Variants in IFT46 observed in about 807,000 individuals in gnomAD.
IFT46 encodes intraflagellar transport protein 46 homolog.
A neutral mutation model predicts 39.6 loss-of-function variants in IFT46; 19 were observed. The ratio of observed to expected loss-of-function variants is 0.48; its 90% CI spans 0.33 to 0.70. The LOEUF (loss-of-function observed/expected upper bound fraction) is 0.70. Ranked by LOEUF, IFT46 falls within the 30% of genes least tolerant of loss-of-function variation. IFT46 has a pLI of 0.01. For synonymous variants in IFT46, 117 were observed against 134.8 expected, an observed-to-expected ratio of 0.87 and a Z score of 0.91; for missense variants, 334 against 364.8, an observed-to-expected ratio of 0.92 and a Z score of 0.69.
rs782193181 is a variant in IFT46 at position 118,544,809 on chromosome 11, C to G, written c.*107G>C. ...CAGCAGGACATGCACTGCCCCTGAG[C>G]CAAGCTGTGGCATGGGCAAGGACAT... On this transcript the variant is annotated 3_prime_UTR_variant, in exon 12 of 12. Transcript: ENST00000264021. 13 of 787,230 alleles carry G rather than the reference C, an allele frequency of 1.7e-5. No individual in the cohort carries two copies. Among genetic ancestry groups the G allele is most frequent in the African/African-American group, 5.1e-5 (3 of 58,958 alleles). The allele number at this position is 787,230 out of a possible 1,614,324, so 48.8% of individuals were successfully genotyped here. A position where few individuals can be genotyped will look rare whatever the true frequency, so the allele number is the denominator to read the frequency against.
At chr11:118,560,985 GTAC>G in intron 2 of IFT46, 1 of 1,394,354 alleles carries the variant, frequency 7.2e-7, no homozygotes, top group South Asian at 1.2e-5. Context: ...GCAACTTATT[GTAC>G]TGGCCTGCTG....
chr11:118,565,456 T>C (rs1938192353), intron 1 of IFT46: 1 of 45,518 alleles, frequency 2.2e-5, no homozygotes, highest in Admixed American at 2.9e-4. Flanking sequence ...TGGAGTCACC[T>C]CTGGGGTGGG....
At chr11:118,563,360 A>G (rs78568338) in intron 2 of IFT46, among the ~76,000 whole-genome samples, 1,646 of 152,310 alleles carry the variant, frequency 0.011, 31 homozygotes, top group African/African-American at 0.038. Context: ...CGATGGTTAA[A>G]CAACATTGTG....
chr11:118,575,031 TGCAGTG>T (rs1555073223), upstream of IFT46, among the ~76,000 whole-genome samples: 1 of 152,112 alleles, frequency 6.6e-6, no homozygotes, highest in African/African-American at 2.4e-5. Flanking sequence ...CAGGCTGGAG[TGCAGTG>T]GCACAATCTC....
chr11:118,560,683 C>T (rs1407936007), intron 2 of IFT46: 4 of 566,818 alleles, frequency 7.1e-6, no homozygotes, highest in Non-Finnish European at 1.3e-5. Flanking sequence ...GGTCTCTGTT[C>T]CGCAGAATGG....
upstream of IFT46, among the ~76,000 whole-genome samples, chr11:118,568,367 A>G (rs1555071868): frequency 6.6e-6 from 1 of 152,046 alleles, no homozygotes; most frequent in Non-Finnish European, 1.5e-5. Flanking sequence ...CTGTCCCAAC[A>G]TGGTGAAACC....
intron 6 of IFT46, 57 bp from the exon 7 acceptor site, chr11:118,554,644 G>A: frequency 2.6e-6 from 4 of 1,528,998 alleles, no homozygotes; most frequent in Non-Finnish European, 3.5e-6. Flanking sequence ...AAGTTAAGAG[G>A]AAGAACACTT....
At chr11:118,565,496 G>A (rs1938198210) in intron 1 of IFT46, 1 of 145,746 alleles carries the variant, frequency 6.9e-6, no homozygotes, top group African/African-American at 2.5e-5. Context: ...GGTGGGGTGG[G>A]GTGGGCTGAG....
At chr11:118,552,992 G>A (rs1334591036) in intron 7 of IFT46, among the ~76,000 whole-genome samples, 3 of 151,898 alleles carry the variant, frequency 2.0e-5, no homozygotes, top group African/African-American at 7.3e-5. Context: ...GGGAGGCTGA[G>A]GTAGCAGGAT....
intron 6 of IFT46, 87 bp downstream of exon 6, chr11:118,554,903 G>T: frequency 9.8e-7 from 1 of 1,025,266 alleles, no homozygotes; most frequent in Non-Finnish European, 1.5e-6. Flanking sequence ...GCCAATGCTA[G>T]TCAAAGAAAT....
chr11:118,558,044 T>C (rs1937900295), intron 3 of IFT46, among the ~76,000 whole-genome samples: 1 of 152,254 alleles, frequency 6.6e-6, no homozygotes, highest in South Asian at 2.1e-4. Context: ...CACAAAATTG[T>C]GACACGTTAC....
chr11:118,557,217 G>A (rs975918726), intron 3 of IFT46, 172 bp from the exon 4 acceptor site: 1 of 513,152 alleles, frequency 1.9e-6, no homozygotes. Flanking sequence ...CCCCTGCTCA[G>A]CTACAAATGG....
chr11:118,575,623 A>G (rs1290763953), upstream of IFT46, among the ~76,000 whole-genome samples: 8 of 152,238 alleles, frequency 5.3e-5, no homozygotes, highest in African/African-American at 1.9e-4. Context: ...CCTGACAATT[A>G]TAGAAACTAG....
chr11:118,551,805 A>C lies in IFT46; in HGVS notation c.653T>G (p.Phe218Cys). 6.2e-7 allele frequency: 1 copy of C among 1,614,190 alleles called. No homozygotes were observed. The highest frequency in any genetic ancestry group is 1.7e-5 in the Admixed American group (1 of 60,012). ...DTLMQEWSPE[F>C]EELLGKVSLP... ...ACTCACCTTGCCCAAAAGCTCTTCAAACTCCGGGGACCATTCCTGCATCAG... is the reference window on the plus strand; with the variant it reads ...ACTCACCTTGCCCAAAAGCTCTTCACACTCCGGGGACCATTCCTGCATCAG... Residue 218 changes from phenylalanine to cysteine, a missense_variant, in exon 9 of 12, where the codon TTT (phenylalanine) becomes TGT (cysteine). Physicochemically the swap from Phe to Cys is radical, Grantham distance 205 (BLOSUM62 -2). Coordinates refer to ENST00000264021, the MANE Select transcript of IFT46 (RefSeq NM_001168618.2).
chr11:118,545,230 A>C (rs143782568), intron 11 of IFT46, among the ~76,000 whole-genome samples, 179 bp downstream of exon 11: 1 of 150,832 alleles, frequency 6.6e-6, no homozygotes. Context: ...TTTTTCCTCC[A>C]CTTTCCCCTT....
chr11:118,557,595 T>G (rs1363530533), intron 3 of IFT46: 1 of 992,442 alleles, frequency 1.0e-6, no homozygotes, highest in Non-Finnish European at 1.5e-6. Flanking sequence ...CTATGGACTT[T>G]CCATTTTTGT....
At chr11:118,575,002 C>T (rs1170694342), upstream of IFT46, among the ~76,000 whole-genome samples, 2 of 151,964 alleles carry the variant, frequency 1.3e-5, no homozygotes, top group Non-Finnish European at 2.9e-5. Flanking sequence ...GTTTTCGAGA[C>T]GGATTCTCGC....
chr11:118,574,912 A>G (rs1938452062), upstream of IFT46, among the ~76,000 whole-genome samples: 1 of 152,112 alleles, frequency 6.6e-6, no homozygotes, highest in Non-Finnish European at 1.5e-5. Flanking sequence ...GACTGTAGGC[A>G]TGCGGGCCTT....
chr11:118,555,051 T>C lies in IFT46; in HGVS notation c.293A>G (p.Lys98Arg). Reference protein sequence around the residue: ...YTPQLIDLDHKLKPFIPDFIP... With the variant: ...YTPQLIDLDHRLKPFIPDFIP... ...AAAATCAGGAATGAAAGGCTTCAGT[T>C]TGTGGTCCAGGTCAATCAACTGAGG... The change falls in exon 6 of 12, where the codon AAA becomes AGA. Residue 98 changes from lysine (K) to arginine (R), a missense_variant. By Grantham distance (26) the Lys-to-Arg change is conservative (BLOSUM62 2). Coordinates refer to ENST00000264021, the MANE Select transcript of IFT46 (RefSeq NM_001168618.2). The C allele has an allele frequency of 6.2e-7, 1 of 1,613,974 alleles. No individual in the cohort carries two copies. The highest frequency in any genetic ancestry group is 1.1e-5 in the South Asian group (1 of 91,072).
Sources: allele counts gnomAD v4.1 joint callset (sites outside exome capture counted in the v4.1 genomes callset), GRCh38; gene constraint gnomAD v4.1.1; transcripts MANE v1.5; gene names NCBI Gene and HGNC (gene_info 2026-07-23, HGNC 2026-07-21).